The following TGFBR3 variants were observed in gnomAD, a reference collection of about 807,000 sequenced individuals.
TGFBR3 encodes the protein transforming growth factor beta receptor type 3.
TGFBR3 carries 46 observed loss-of-function variants against 87.9 expected under a neutral mutation model. The observed-to-expected ratio is 0.52, with a 90% CI of 0.41 to 0.67. TGFBR3 has a LOEUF of 0.67. TGFBR3 is among the 30% of genes least tolerant of loss of function. TGFBR3 has a pLI of 0.00. For missense variants in TGFBR3, 866 were observed against 1,041.9 expected (o/e 0.83, Z 2.32); for synonymous variants, 381 against 391.6 (o/e 0.97, Z 0.32).
intron 13 of TGFBR3, among the ~76,000 whole-genome samples, chr1:91,709,782 G>C (rs774976656): frequency 2.0e-5 from 3 of 151,998 alleles, no homozygotes; most frequent in Non-Finnish European, 4.4e-5. Context: ...TTTTTCTTGA[G>C]ACAGGGTCTT....
In TGFBR3 at chr1:91,692,232, A is replaced by G. The variant is rs80276774; in HGVS notation, c.2437+3440T>C. ...GGGGGAAGGGGACATTTTCCATAAC[A>G]GGAGGTCTAGAGCAAAGGTGTAAAC... On this transcript the variant is annotated intron_variant, in intron 16 of 16. Coordinates refer to ENST00000212355, the MANE Select transcript of TGFBR3 (RefSeq NM_003243.5). Among the ~76,000 whole-genome samples the G allele has an allele frequency of 5.6e-3, 853 of 152,290 alleles. 20 individuals are homozygous for G. The highest frequency in any genetic ancestry group is 0.051 in the East Asian group (264 of 5,170).
intron 4 of TGFBR3, among the ~76,000 whole-genome samples, chr1:91,754,748 A>C (rs1673679218): frequency 6.6e-6 from 1 of 152,222 alleles, no homozygotes; most frequent in African/African-American, 2.4e-5. Flanking sequence ...CCTGGGTAAC[A>C]TAAGGCCCTC....
chr1:91,829,145 G>A (rs1212039697), intron 2 of TGFBR3, among the ~76,000 whole-genome samples: 2 of 152,064 alleles, frequency 1.3e-5, no homozygotes, highest in Non-Finnish European at 2.9e-5. Flanking sequence ...GGAGGGTGAG[G>A]TGGGCAGATC....
rs1257915378 is a variant in TGFBR3 at position 91,681,279 on chromosome 1, G to C, written c.*2460C>G. 3 of 442,742 alleles carry C rather than the reference G, an allele frequency of 6.8e-6. No individual in the cohort carries two copies. The Admixed American group carries it at 7.4e-5, about 11-fold the overall frequency. The allele number at this position is 442,742 out of a possible 1,614,324, so 27.4% of individuals were successfully genotyped here. A position where few individuals can be genotyped will look rare whatever the true frequency, so the allele number is the denominator to read the frequency against. Reference sequence around the variant, plus strand: ...ATGTTCATTTTTTAGAAACATTTCAGAAATACTTAACGACATTCACTCTCC... The same window carrying C: ...ATGTTCATTTTTTAGAAACATTTCACAAATACTTAACGACATTCACTCTCC... On this transcript the variant is annotated 3_prime_UTR_variant, in exon 17 of 17. Coordinates refer to ENST00000212355, the MANE Select transcript of TGFBR3 (RefSeq NM_003243.5).
chr1:91,807,504 T>C (rs957796685), intron 2 of TGFBR3, among the ~76,000 whole-genome samples: 1 of 152,208 alleles, frequency 6.6e-6, no homozygotes, highest in Non-Finnish European at 1.5e-5. Flanking sequence ...GGAGCAACCA[T>C]GTTGGAGAAT....
Position 91,797,480 on chromosome 1 carries a change from G to A in TGFBR3, c.62-9C>T, listed in dbSNP as rs909804444. ...TGCACCAGGCTCTGGACCTGCCAAGGGAATCACAAACACAAGCCACTCAGA... is the reference window on the plus strand; with the variant it reads ...TGCACCAGGCTCTGGACCTGCCAAGAGAATCACAAACACAAGCCACTCAGA... On this transcript the variant is annotated splice_polypyrimidine_tract_variant and intron_variant, in intron 2 of 16. Transcript: ENST00000212355. The A allele has an allele frequency of 1.9e-6, 3 of 1,614,166 alleles. No individual in the cohort carries two copies. Among genetic ancestry groups the A allele is most frequent in the Non-Finnish European group, 2.5e-6 (3 of 1,180,034 alleles).
upstream of TGFBR3, among the ~76,000 whole-genome samples, chr1:91,889,071 C>CG (rs1196084485): frequency 6.6e-6 from 1 of 151,880 alleles, no homozygotes; most frequent in Non-Finnish European, 1.5e-5. Flanking sequence ...TTAGTAGAGA[C>CG]GGGGTTTCAT....
chr1:91,735,709 G>C (rs1255910222), intron 4 of TGFBR3, among the ~76,000 whole-genome samples: 1 of 152,186 alleles, frequency 6.6e-6, no homozygotes, highest in African/African-American at 2.4e-5. Flanking sequence ...GCATATCATG[G>C]TATATGTGTA....
At chr1:91,684,785 C>T (rs890647056) in intron 16 of TGFBR3, among the ~76,000 whole-genome samples, 2 of 152,140 alleles carry the variant, frequency 1.3e-5, no homozygotes, top group African/African-American at 2.4e-5. Flanking sequence ...TCAGGGCTCT[C>T]CAATAAAAAA....
chr1:91,871,776 T>C (rs1442617071), intron 1 of TGFBR3, among the ~76,000 whole-genome samples: 1 of 152,148 alleles, frequency 6.6e-6, no homozygotes, highest in Non-Finnish European at 1.5e-5. Context: ...TAGTGGAAAG[T>C]GCGGGGCCCC....
chr1:91,800,322 A>ATGTG (rs1343623901), intron 2 of TGFBR3, among the ~76,000 whole-genome samples: 6 of 87,410 alleles, frequency 6.9e-5, no homozygotes, highest in African/African-American at 7.8e-5. Context: ...ATGTATATAT[A>ATGTG]TGTGTATATG....
chr1:91,837,296 A>T (rs1446473359), intron 2 of TGFBR3, among the ~76,000 whole-genome samples: 1 of 152,066 alleles, frequency 6.6e-6, no homozygotes, highest in African/African-American at 2.4e-5. Context: ...CCCAGGCTGG[A>T]GTGCAGTGGC....
chr1:91,853,392 C>G (rs1677819102), intron 2 of TGFBR3, among the ~76,000 whole-genome samples: 1 of 151,964 alleles, frequency 6.6e-6, no homozygotes, highest in African/African-American at 2.4e-5. Flanking sequence ...TGCCAGCACC[C>G]TCCAGCCTTC....
chr1:91,801,283 G>T (rs1361339265), intron 2 of TGFBR3, among the ~76,000 whole-genome samples: 1 of 152,130 alleles, frequency 6.6e-6, no homozygotes, highest in Non-Finnish European at 1.5e-5. Context: ...TTCAGACTTG[G>T]CCCTCCTTGC....
chr1:91,903,733 A>G (rs564590583), intron 1 of TGFBR3, among the ~76,000 whole-genome samples: 2 of 152,322 alleles, frequency 1.3e-5, no homozygotes, highest in East Asian at 3.9e-4. Context: ...TCAATTAGAC[A>G]TTCTTATTCC....
intron 1 of TGFBR3, among the ~76,000 whole-genome samples, chr1:91,869,279 A>G (rs1406418152): frequency 1.3e-5 from 2 of 152,170 alleles, no homozygotes; most frequent in African/African-American, 4.8e-5. Flanking sequence ...AGCAAGGCGG[A>G]TCACAGTCTA....
intron 4 of TGFBR3, among the ~76,000 whole-genome samples, chr1:91,755,756 T>C (rs1375752238): frequency 6.6e-6 from 1 of 152,162 alleles, no homozygotes; most frequent in East Asian, 1.9e-4. Flanking sequence ...TCAAAACCCA[T>C]GAACTGGCAG....
At chr1:91,861,856 G>C (rs7531392) in intron 1 of TGFBR3, 7,200 of 193,604 alleles carry the variant, frequency 0.037, 394 homozygotes, top group African/African-American at 0.2. Flanking sequence ...TTTGTTATTG[G>C]CTTTTTTTTT....
chr1:91,761,466 A>G (rs1673959984), intron 3 of TGFBR3, among the ~76,000 whole-genome samples: 1 of 152,214 alleles, frequency 6.6e-6, no homozygotes, highest in Non-Finnish European at 1.5e-5. Context: ...CCATTTGGCA[A>G]AGAAGAATTC....
Sources: allele counts gnomAD v4.1 joint callset (sites outside exome capture counted in the v4.1 genomes callset), GRCh38; gene constraint gnomAD v4.1.1; transcripts MANE v1.5; gene names NCBI Gene and HGNC (gene_info 2026-07-23, HGNC 2026-07-21).